The following ZNF654 variants were observed in gnomAD, a reference collection of about 807,000 sequenced individuals.
The protein encoded by ZNF654 is zinc finger protein 654.
In ZNF654, 19 loss-of-function variants were observed where a neutral mutation model predicts 95.3. The ratio of observed to expected loss-of-function variants is 0.20; its 90% CI spans 0.14 to 0.29. The LOEUF is 0.29. Ranked by LOEUF, ZNF654 falls within the 10% of genes least tolerant of loss-of-function variation. The pLI is 1.00. For synonymous variants in ZNF654, 413 were observed against 457.9 expected, an observed-to-expected ratio of 0.90 and a Z score of 1.25; for missense variants, 1,046 against 1,341.0, an observed-to-expected ratio of 0.78 and a Z score of 3.44.
chr3:88,134,932 G>GGTGAAC, intron 6 of ZNF654, 129 bp from the exon 7 acceptor site: 1 of 525,678 alleles, frequency 1.9e-6, no homozygotes, highest in Non-Finnish European at 3.0e-6. Context: ...GTAGTTTGGG[G>GGTGAAC]GTGAACGTAA....
At chr3:88,137,679 G>A (rs1184302918) in intron 7 of ZNF654, among the ~76,000 whole-genome samples, 2 of 152,114 alleles carry the variant, frequency 1.3e-5, no homozygotes, top group African/African-American at 4.8e-5. Flanking sequence ...AAAACCTTCA[G>A]ATTAGAACTG....
In ZNF654 at chr3:88,139,645, C is replaced by A; in HGVS notation, c.1976C>A (p.Ala659Asp). Reference sequence around the variant, plus strand: ...AAAGAAGTCATCCCTGAGCATGTGGCTGAATTCATTGAAATTCCCATAAGT... The same window carrying A: ...AAAGAAGTCATCCCTGAGCATGTGGATGAATTCATTGAAATTCCCATAAGT... ...GNKEVIPEHV[A>D]EFIEIPISVP... The change falls in exon 8 of 9, where the codon GCT (alanine) becomes GAT (aspartate). Residue 659 changes from alanine to aspartate, a missense_variant. Physicochemically the swap from Ala to Asp is moderately radical, Grantham distance 126. Transcript: ENST00000636215. The A allele has an allele frequency of 6.2e-7, 1 of 1,612,524 alleles. No individual in the cohort carries two copies. The highest frequency in any genetic ancestry group is 2.2e-5 in the East Asian group (1 of 44,852).
chr3:88,077,731 G>A (rs1282098498), intron 1 of ZNF654, among the ~76,000 whole-genome samples: 1 of 152,112 alleles, frequency 6.6e-6, no homozygotes, highest in African/African-American at 2.4e-5. Context: ...CAATTTAACA[G>A]AATATTTTAA....
chr3:88,088,171 A>G (rs945809821), intron 2 of ZNF654, among the ~76,000 whole-genome samples: 2 of 152,218 alleles, frequency 1.3e-5, no homozygotes, highest in Non-Finnish European at 2.9e-5. Context: ...CAGTGAGACT[A>G]CTAGCTAATT....
At chr3:88,086,465 T>G in intron 2 of ZNF654, 63 bp downstream of exon 2, 1 of 1,310,650 alleles carries the variant, frequency 7.6e-7, no homozygotes, top group Non-Finnish European at 9.9e-7. Flanking sequence ...AATTTGTTTT[T>G]GATAATTTCT....
chr3:88,110,907 T>C (rs768672307), intron 2 of ZNF654, among the ~76,000 whole-genome samples: 1 of 152,098 alleles, frequency 6.6e-6, no homozygotes, highest in Non-Finnish European at 1.5e-5. Flanking sequence ...TTACTTTGCA[T>C]GTGGTTTTTC....
intron 3 of ZNF654, among the ~76,000 whole-genome samples, chr3:88,115,167 G>A (rs1044235172): frequency 6.6e-6 from 1 of 152,118 alleles, no homozygotes; most frequent in African/African-American, 2.4e-5. Context: ...TTGTGGGAGG[G>A]GACCTGATAG....
In ZNF654 at chr3:88,139,848, A is replaced by G. The variant is rs774298577; in HGVS notation, c.2179A>G (p.Ile727Val). The change falls in exon 8 of 9, where the codon ATC (isoleucine) becomes GTC (valine). Residue 727 changes from isoleucine (I) to valine (V), a missense_variant. Physicochemically the swap from Ile to Val is conservative, Grantham distance 29 (BLOSUM62 3). This residue lies in a region of ZNF654 where 495 missense variants were observed against 537.0 expected (regional missense o/e 0.92). Transcript: ENST00000636215. ...TCAAGAAACTTCAGTAATTCATAAA[A>G]TCAATGGAACTGTGTGCCATCCAAA... is the stretch of plus-strand genomic sequence containing the variant. The part of the protein sequence containing the change: ...LNQETSVIHK[I>V]NGTVCHPKDI... The G allele has an allele frequency of 4.5e-5, 72 of 1,589,358 alleles. No individual in the cohort carries two copies. The highest frequency in any genetic ancestry group is 5.7e-5 in the Non-Finnish European group (67 of 1,167,104).
At chr3:88,119,550 A>T (rs537509387) in intron 3 of ZNF654, among the ~76,000 whole-genome samples, 203 of 140,112 alleles carry the variant, frequency 1.4e-3, no homozygotes, top group Non-Finnish European at 2.2e-3. Flanking sequence ...ATAATAAATT[A>T]AAAAAAAAAA....
chr3:88,132,193 G>T (rs1404781819), intron 6 of ZNF654, among the ~76,000 whole-genome samples: 8 of 151,978 alleles, frequency 5.3e-5, no homozygotes, highest in African/African-American at 1.9e-4. Context: ...CAGTCTTCCA[G>T]CCTCTGCTAT....
intron 1 of ZNF654, among the ~76,000 whole-genome samples, chr3:88,079,146 T>A (rs1707957637): frequency 6.6e-6 from 1 of 152,062 alleles, no homozygotes; most frequent in South Asian, 2.1e-4. Context: ...CTAAAGTAAC[T>A]TCAGGCTACA....
intron 2 of ZNF654, among the ~76,000 whole-genome samples, chr3:88,102,817 C>CTT (rs10701359): frequency 0.021 from 2,237 of 106,500 alleles, 81 homozygotes; most frequent in African/African-American, 0.062. Context: ...CCTCTACTGT[C>CTT]TTTTTTTTTT....
chr3:88,070,793 A>G (rs1313126304), intron 1 of ZNF654, among the ~76,000 whole-genome samples: 1 of 152,112 alleles, frequency 6.6e-6, no homozygotes, highest in Non-Finnish European at 1.5e-5. Flanking sequence ...TACTGTTTTT[A>G]TCGTCATTTT....
At chr3:88,077,483 C>T (rs1183522825) in intron 1 of ZNF654, among the ~76,000 whole-genome samples, 10 of 145,470 alleles carry the variant, frequency 6.9e-5, no homozygotes, top group Non-Finnish European at 1.5e-4. Context: ...CAGACGCCTG[C>T]CACCACGCCC....
At position 88,059,289 on chromosome 3, in the gene ZNF654, G is replaced by C. The variant is rs1251719722; in HGVS notation, c.-31G>C. The C allele has an allele frequency of 6.5e-7, 1 of 1,532,924 alleles. No individual in the cohort carries two copies. Among genetic ancestry groups the C allele is most frequent in the African/African-American group, 1.4e-5 (1 of 73,004 alleles). 95.0% of individuals were successfully genotyped at this position (1,532,924 alleles called of 1,614,324 possible). A position where few individuals can be genotyped will look rare whatever the true frequency, so the allele number is the denominator to read the frequency against. On this transcript the variant is annotated 5_prime_UTR_variant, in exon 1 of 9. Transcript: ENST00000636215. ...ATCTACGGCGGCGGCGGCGGCGCAG[G>C]GGCTGGTACGCGCTGGGCGGCGAGA... is the stretch of plus-strand genomic sequence containing the variant.
intron 2 of ZNF654, among the ~76,000 whole-genome samples, chr3:88,106,149 A>G (rs1261103153): frequency 6.6e-6 from 1 of 151,968 alleles, no homozygotes; most frequent in East Asian, 1.9e-4. Flanking sequence ...AGTCTCAGGT[A>G]CTCTGTTACA....
intron 1 of ZNF654, among the ~76,000 whole-genome samples, chr3:88,059,918 C>T (rs1706758630): frequency 6.6e-6 from 1 of 152,044 alleles, no homozygotes; most frequent in African/African-American, 2.4e-5. Flanking sequence ...CGCCGATTGC[C>T]CCCCGTGTTC....
At chr3:88,103,080 TGGTTTTC>T (rs1320119780) in intron 2 of ZNF654, among the ~76,000 whole-genome samples, 1 of 152,162 alleles carries the variant, frequency 6.6e-6, no homozygotes, top group Non-Finnish European at 1.5e-5. Flanking sequence ...ATGTGTTATT[TGGTTTTC>T]TGTTCATGCG....
intron 1 of ZNF654, among the ~76,000 whole-genome samples, chr3:88,068,100 T>A (rs1321475383): frequency 1.3e-5 from 2 of 152,026 alleles, no homozygotes; most frequent in African/African-American, 4.8e-5. Flanking sequence ...CTATTAAGAG[T>A]ACATGGAGGT....
Sources: gnomAD v4.1 joint callset for allele counts (sites outside exome capture counted in the v4.1 genomes callset) on GRCh38, gnomAD v4.1.1 for gene constraint, gnomAD v4.1.1 regional missense constraint, MANE v1.5 for transcripts, NCBI Gene and HGNC (gene_info 2026-07-23, HGNC 2026-07-21) for gene names.